The following RELN variants were observed in gnomAD, a reference collection of about 807,000 sequenced individuals.
The protein encoded by RELN is reelin.
Under a neutral mutation model 427.6 loss-of-function variants are expected in RELN, and 108 were observed. The ratio of observed to expected loss-of-function variants is 0.25; its 90% CI spans 0.22 to 0.30. The LOEUF (loss-of-function observed/expected upper bound fraction) is 0.30. Ranked by LOEUF, RELN falls within the 10% of genes least tolerant of loss-of-function variation. The probability of loss-of-function intolerance (pLI) is 1.00; values close to 1 mark genes in which losing one functional copy is unlikely to be tolerated. For missense variants in RELN, 3,715 were observed against 4,302.8 expected (o/e 0.86, Z 3.82); for synonymous variants, 1,524 against 1,513.4 (o/e 1.01, Z -0.16).
rs1044275198 is a variant in RELN at position 103,968,751 on chromosome 7, T to C, written c.226+20380A>G. 6.6e-6 allele frequency among the ~76,000 whole-genome samples: 1 copy of C among 152,182 alleles called. No homozygotes were observed. Among genetic ancestry groups the C allele is most frequent in the Non-Finnish European group, 1.5e-5 (1 of 68,036 alleles). On this transcript the variant is annotated intron_variant, in intron 1 of 64. Coordinates refer to ENST00000428762, the MANE Select transcript of RELN (RefSeq NM_005045.4). This position sits in a 1 kb window ranked among gnomAD's most constrained non-coding sequence, Gnocchi z 4.3. ...CATGAGAAGATGTATTTTTAAATGA[T>C]CATCCAAAAATGCTAAAGGATGTCA... is the stretch of plus-strand genomic sequence containing the variant.
intron 19 of RELN, among the ~76,000 whole-genome samples, chr7:103,630,867 T>TTG (rs1318217077): frequency 2.0e-5 from 3 of 149,352 alleles, no homozygotes; most frequent in Non-Finnish European, 4.4e-5. Flanking sequence ...TTTGTTTTTT[T>TTG]TTTTTTTGTT....
chr7:103,543,526 A>C (rs1444847906), intron 42 of RELN, among the ~76,000 whole-genome samples: 1 of 152,082 alleles, frequency 6.6e-6, no homozygotes, highest in Non-Finnish European at 1.5e-5. Flanking sequence ...GGTGCCTGTC[A>C]TCTTGGCTAC....
chr7:103,914,043 G>A (rs757420729), intron 2 of RELN, among the ~76,000 whole-genome samples: 13 of 152,150 alleles, frequency 8.5e-5, no homozygotes, highest in African/African-American at 2.9e-4. Flanking sequence ...GCCTGTGAGA[G>A]GAAGGCTAGG....
intron 10 of RELN, among the ~76,000 whole-genome samples, chr7:103,693,201 G>C (rs1328822666): frequency 6.6e-6 from 1 of 152,040 alleles, no homozygotes; most frequent in Admixed American, 6.6e-5. Flanking sequence ...GCAGGGACAT[G>C]GATGAAGCTG....
chr7:103,612,434 C>A (rs1474188808), intron 20 of RELN, among the ~76,000 whole-genome samples: 1 of 151,928 alleles, frequency 6.6e-6, no homozygotes, highest in Non-Finnish European at 1.5e-5. Flanking sequence ...TGCCACCATG[C>A]CCGGCTAATT....
intron 3 of RELN, among the ~76,000 whole-genome samples, chr7:103,791,562 C>T (rs1362214512): frequency 6.6e-6 from 1 of 152,028 alleles, no homozygotes; most frequent in Non-Finnish European, 1.5e-5. Context: ...CTCTACCTCA[C>T]ACCATATACA....
At chr7:103,740,315 A>C (rs1790609765) in intron 6 of RELN, among the ~76,000 whole-genome samples, 2 of 152,234 alleles carry the variant, frequency 1.3e-5, no homozygotes, top group Non-Finnish European at 2.9e-5. Flanking sequence ...GTAAGCATGA[A>C]CAATTTCCAG....
intron 11 of RELN, among the ~76,000 whole-genome samples, chr7:103,673,777 A>T (rs1833447338): frequency 6.6e-6 from 1 of 151,994 alleles, no homozygotes; most frequent in African/African-American, 2.4e-5. Flanking sequence ...GCTACCAAGG[A>T]AAGTACAATA....
intron 1 of RELN, among the ~76,000 whole-genome samples, chr7:103,979,926 C>T (rs1461196596): frequency 6.6e-6 from 1 of 152,116 alleles, no homozygotes; most frequent in Non-Finnish European, 1.5e-5. Context: ...CTTTGGGAGG[C>T]CGAGGTGGGC....
intron 53 of RELN, among the ~76,000 whole-genome samples, chr7:103,499,120 T>C (rs371020618): frequency 1.3e-5 from 2 of 152,140 alleles, no homozygotes; most frequent in East Asian, 1.9e-4. Flanking sequence ...CAAATCTCTC[T>C]ATATAAGTCA....
rs184574383 is a variant in RELN, at chr7:103,904,225, T to C, written c.337+12850A>G. ...GCTGCACAGTATTCCATAGTGTATA[T>C]GTACCACATTTTCCTTATCTAGTCT... On this transcript the variant is annotated intron_variant, in intron 2 of 64. Transcript: ENST00000428762. Among the ~76,000 whole-genome samples the C allele has an allele frequency of 3.5e-3, 529 of 152,296 alleles. 4 individuals carry two copies. Among genetic ancestry groups the C allele is most frequent in the African/African-American group, 0.012 (506 of 41,576 alleles).
rs756833440 is a variant in RELN, at chr7:103,553,802, C to A, written c.5827G>T (p.Asp1943Tyr). The A allele has an allele frequency of 1.2e-6, 2 of 1,614,040 alleles. No homozygotes were observed. The highest frequency in any genetic ancestry group is 2.2e-5 in the South Asian group (2 of 91,074). The change falls in exon 39 of 65, where the codon GAC (aspartate) becomes TAC (tyrosine). Residue 1943 changes from aspartate (D) to tyrosine (Y), a missense_variant. Coordinates refer to ENST00000428762, the MANE Select transcript of RELN (RefSeq NM_005045.4). Reference sequence around the variant, plus strand: ...ACATTATTTCCATCGATAATGAAGTCATCAACAATCCAGATTTCTTCTTTC... The same window carrying A: ...ACATTATTTCCATCGATAATGAAGTAATCAACAATCCAGATTTCTTCTTTC... ...GKKEEIWIVD[D>Y]FIIDGNNVNN...
chr7:103,589,238 C>T (rs1042919824), intron 28 of RELN, among the ~76,000 whole-genome samples: 1 of 152,148 alleles, frequency 6.6e-6, no homozygotes, highest in African/African-American at 2.4e-5. Flanking sequence ...AAGCTGAGTG[C>T]AAACAATTAC....
intron 2 of RELN, among the ~76,000 whole-genome samples, chr7:103,856,318 C>T (rs1793942747): frequency 4.6e-5 from 7 of 151,902 alleles, no homozygotes; most frequent in Admixed American, 2.6e-4. Context: ...TGGCTCACAC[C>T]TGTAATCCCA....
At chr7:103,942,271 T>C (rs1318799372) in intron 1 of RELN, among the ~76,000 whole-genome samples, 1 of 152,200 alleles carries the variant, frequency 6.6e-6, no homozygotes, top group African/African-American at 2.4e-5. Flanking sequence ...ACTGGAACTT[T>C]GTACCCATTA....
chr7:103,934,749 G>A (rs539070971), intron 1 of RELN, among the ~76,000 whole-genome samples: 36 of 152,188 alleles, frequency 2.4e-4, no homozygotes, highest in Non-Finnish European at 4.6e-4. Flanking sequence ...AGAATGGCTG[G>A]CAGCAGCAGC....
chr7:103,567,054 T>C lies in RELN; in HGVS notation c.4589-295A>G, dbSNP rs573208039. Among the ~76,000 whole-genome samples the C allele has an allele frequency of 2.0e-5, 3 of 152,334 alleles. No individual in the cohort carries two copies. The South Asian group carries it at 6.2e-4, about 32-fold the overall frequency. ...ACATAAAAACCTGCCTCAGATCACG[T>C]ATTTGAATTTTAGATTCTGTTCTGA... On this transcript the variant is annotated intron_variant, in intron 31 of 64. Coordinates refer to ENST00000428762, the MANE Select transcript of RELN (RefSeq NM_005045.4).
chr7:103,838,902 A>G (rs1443726861), intron 2 of RELN, among the ~76,000 whole-genome samples: 3 of 152,208 alleles, frequency 2.0e-5, no homozygotes, highest in African/African-American at 7.2e-5. Flanking sequence ...TATTCTTGCA[A>G]TCTAACATTC....
At chr7:103,936,115 C>A in intron 1 of RELN, among the ~76,000 whole-genome samples, 1 of 79,936 alleles carries the variant, frequency 1.3e-5, no homozygotes, top group Non-Finnish European at 3.2e-5. Flanking sequence ...TTTTTTGAGA[C>A]AGAGTCTCAC....
Sources: gnomAD v4.1 joint callset for allele counts (sites outside exome capture counted in the v4.1 genomes callset) on GRCh38, gnomAD v4.1.1 for gene constraint, Gnocchi (gnomAD v3.1) non-coding constraint, MANE v1.5 for transcripts, NCBI Gene and HGNC (gene_info 2026-07-23, HGNC 2026-07-21) for gene names.